ATP6V1C1: variants seen among roughly 807,000 people sequenced by gnomAD.
ATP6V1C1 encodes the protein ATPase H+ transporting V1 subunit C1.
In ATP6V1C1, 45 loss-of-function variants were observed where a neutral mutation model predicts 53.9. That is an observed-to-expected ratio of 0.83 (90% CI 0.66 to 1.07). ATP6V1C1 has a LOEUF of 1.07. Ranked by LOEUF, ATP6V1C1 falls within the 50% of genes least tolerant of loss-of-function variation. The pLI is 0.00. For missense variants in ATP6V1C1, 315 were observed against 440.3 expected (o/e 0.72, Z 2.55); for synonymous variants, 153 against 155.2 (o/e 0.99, Z 0.11).
intron 5 of ATP6V1C1, 61 bp downstream of exon 5, chr8:103,051,205 A>G (rs1817194368): frequency 7.3e-6 from 9 of 1,230,334 alleles, no homozygotes; most frequent in Non-Finnish European, 9.2e-6. Flanking sequence ...CTTATTTTAT[A>G]ATTTCACTAT....
intron 1 of ATP6V1C1, among the ~76,000 whole-genome samples, chr8:103,032,299 A>G (rs185271235): frequency 1.9e-4 from 29 of 152,356 alleles, no homozygotes; most frequent in Non-Finnish European, 3.5e-4. Flanking sequence ...ATGGAAATGC[A>G]TCATGGAAAT....
chr8:103,042,117 T>C (rs987659862), intron 2 of ATP6V1C1, among the ~76,000 whole-genome samples: 3 of 152,020 alleles, frequency 2.0e-5, no homozygotes, highest in Non-Finnish European at 1.5e-5. Flanking sequence ...CTTTGAGGAG[T>C]CTTCAAGTCT....
intron 8 of ATP6V1C1, 103 bp from the exon 9 acceptor site, chr8:103,062,852 A>G (rs184398963): frequency 2.1e-6 from 2 of 934,946 alleles, no homozygotes; most frequent in East Asian, 2.4e-5. Context: ...GGGAAGGGCT[A>G]TTATACCCTA....
At chr8:103,042,117 T>G (rs987659862) in intron 2 of ATP6V1C1, among the ~76,000 whole-genome samples, 1 of 152,020 alleles carries the variant, frequency 6.6e-6, no homozygotes, top group African/African-American at 2.4e-5. Context: ...CTTTGAGGAG[T>G]CTTCAAGTCT....
chr8:103,068,439 A>G (rs1817532869), intron 12 of ATP6V1C1, among the ~76,000 whole-genome samples: 1 of 152,198 alleles, frequency 6.6e-6, no homozygotes, highest in Admixed American at 6.5e-5. Flanking sequence ...TGGCTTTACC[A>G]CTCACTGTCT....
At chr8:103,051,476 A>G (rs939856745) in intron 5 of ATP6V1C1, among the ~76,000 whole-genome samples, 2 of 152,180 alleles carry the variant, frequency 1.3e-5, no homozygotes, top group African/African-American at 4.8e-5. Flanking sequence ...TTTCTTAGTC[A>G]TTCAGGTAGG....
At chr8:103,065,599 C>T (rs958383556) in intron 11 of ATP6V1C1, among the ~76,000 whole-genome samples, 1 of 151,914 alleles carries the variant, frequency 6.6e-6, no homozygotes, top group Non-Finnish European at 1.5e-5. Flanking sequence ...AACAAAAAAA[C>T]ACCCCAAAAC....
intron 5 of ATP6V1C1, among the ~76,000 whole-genome samples, chr8:103,052,303 A>G (rs1246566749): frequency 6.6e-6 from 1 of 152,152 alleles, no homozygotes; most frequent in African/African-American, 2.4e-5. Flanking sequence ...AAATTCAACT[A>G]TAATTTTAAT....
chr8:103,026,077 C>T (rs2515194), intron 1 of ATP6V1C1, among the ~76,000 whole-genome samples: 87,287 of 152,086 alleles, frequency 0.57, 27,214 homozygotes, highest in African/African-American at 0.84. Context: ...ACTGGGTCAC[C>T]GCTGAGTTGC....
chr8:103,042,592 T>C (rs939142267), intron 3 of ATP6V1C1, among the ~76,000 whole-genome samples, 185 bp downstream of exon 3: 1 of 152,230 alleles, frequency 6.6e-6, no homozygotes, highest in African/African-American at 2.4e-5. Context: ...GTTTGAAATA[T>C]GAAAATGCTG....
intron 10 of ATP6V1C1, 172 bp from the exon 11 acceptor site, chr8:103,064,542 T>A: frequency 1.9e-6 from 1 of 524,562 alleles, no homozygotes; most frequent in Non-Finnish European, 3.3e-6. Flanking sequence ...TTTAATCTAA[T>A]TTAAGATAAG....
chr8:103,052,908 G>T (rs1817225380), intron 6 of ATP6V1C1, 86 bp downstream of exon 6: 2 of 804,656 alleles, frequency 2.5e-6, no homozygotes, highest in South Asian at 2.3e-5. Context: ...GATTTAGTTA[G>T]TTTCAGTTTA....
chr8:103,039,835 A>G (rs1816962780), intron 1 of ATP6V1C1, among the ~76,000 whole-genome samples: 1 of 152,110 alleles, frequency 6.6e-6, no homozygotes, highest in Non-Finnish European at 1.5e-5. Flanking sequence ...CTCAGATCCA[A>G]AAATGTTATA....
At chr8:103,060,584 G>A (rs928362693) in intron 8 of ATP6V1C1, among the ~76,000 whole-genome samples, 1 of 152,182 alleles carries the variant, frequency 6.6e-6, no homozygotes, top group Non-Finnish European at 1.5e-5. Flanking sequence ...CTAATATCTA[G>A]CAAGTGCTTG....
chr8:103,061,109 C>T (rs551447533), intron 8 of ATP6V1C1, among the ~76,000 whole-genome samples: 9 of 152,260 alleles, frequency 5.9e-5, no homozygotes, highest in East Asian at 1.9e-4. Flanking sequence ...TTTTTTAAAT[C>T]GAGCTCTGTC....
At chr8:103,047,364 AC>A (rs1003284236) in intron 3 of ATP6V1C1, among the ~76,000 whole-genome samples, 14 of 148,472 alleles carry the variant, frequency 9.4e-5, no homozygotes, top group African/African-American at 3.5e-4. Flanking sequence ...CTGTGATTGC[AC>A]CACTGCATTC....
Position 103,040,924 on chromosome 8 carries a change from A to G in ATP6V1C1, c.88A>G (p.Asn30Asp), listed in dbSNP as rs765753304. ...ATTGCATGCGGCAACTTCAAAGAAC[A>G]ATAATCTTGCTGTCACTTCCAAGTT... ...EKLHAATSKN[N>D]NLAVTSKFNI... The change falls in exon 2 of 13, where the codon AAT (asparagine) becomes GAT (aspartate). Residue 30 changes from asparagine to aspartate, a missense_variant. Asn to Asp is a conservative substitution (Grantham distance 23). Transcript: ENST00000518738. 6.2e-7 allele frequency: 1 copy of G among 1,614,142 alleles called. No individual in the cohort carries two copies. The highest frequency in any genetic ancestry group is 1.7e-5 in the Admixed American group (1 of 60,024).
intron 8 of ATP6V1C1, among the ~76,000 whole-genome samples, chr8:103,062,499 G>A (rs183975994): frequency 6.6e-6 from 1 of 152,196 alleles, no homozygotes; most frequent in Non-Finnish European, 1.5e-5. Context: ...GATGTCATGG[G>A]AGCAAAGGAA....
At chr8:103,032,647 T>G (rs1816819288) in intron 1 of ATP6V1C1, among the ~76,000 whole-genome samples, 1 of 152,116 alleles carries the variant, frequency 6.6e-6, no homozygotes, top group African/African-American at 2.4e-5. Flanking sequence ...CTGGCTAATT[T>G]TTGTAATTTT....
Sources: allele counts gnomAD v4.1 joint callset (sites outside exome capture counted in the v4.1 genomes callset), GRCh38; gene constraint gnomAD v4.1.1; transcripts MANE v1.5; gene names NCBI Gene and HGNC (gene_info 2026-07-23, HGNC 2026-07-21).